CDC73: variants seen among roughly 807,000 people sequenced by gnomAD.
CDC73 encodes parafibromin.
In CDC73, 21 loss-of-function variants were observed where a neutral mutation model predicts 83.7. That is an observed-to-expected ratio of 0.25 (90% CI 0.18 to 0.36). The LOEUF (loss-of-function observed/expected upper bound fraction) is 0.36. Ranked by LOEUF, CDC73 falls within the 10% of genes least tolerant of loss-of-function variation. The pLI, the probability that CDC73 is intolerant of heterozygous loss-of-function variation, is 1.00. For missense variants in CDC73, 342 were observed against 653.3 expected (o/e 0.52, Z 5.19); for synonymous variants, 224 against 212.9 (o/e 1.05, Z -0.45).
At chr1:193,229,385 T>A (rs1350343882) in intron 13 of CDC73, among the ~76,000 whole-genome samples, 1 of 152,196 alleles carries the variant, frequency 6.6e-6, no homozygotes, top group African/African-American at 2.4e-5. Context: ...CCCAGGGTAT[T>A]TGTGAAGTAA....
At chr1:193,222,596 G>A (rs918199610) in intron 13 of CDC73, among the ~76,000 whole-genome samples, 11 of 152,224 alleles carry the variant, frequency 7.2e-5, no homozygotes, top group Middle Eastern at 3.4e-3. Flanking sequence ...AATCTGTTCC[G>A]TGTGGTTATT....
chr1:193,184,290 A>G (rs1676768701), intron 10 of CDC73, among the ~76,000 whole-genome samples: 1 of 151,930 alleles, frequency 6.6e-6, no homozygotes. Context: ...TTTTGTTAAA[A>G]AGAATATAAA....
intron 10 of CDC73, chr1:193,181,345 T>C (rs765075342): frequency 6.2e-7 from 1 of 1,614,108 alleles, no homozygotes; most frequent in South Asian, 1.1e-5. Flanking sequence ...GTGGTTTGTC[T>C]CACTTTTTGT....
intron 8 of CDC73, among the ~76,000 whole-genome samples, chr1:193,150,000 G>A (rs1411177676): frequency 6.6e-6 from 1 of 152,106 alleles, no homozygotes. Flanking sequence ...ACTTTAGCCA[G>A]GTATGGTGGC....
intron 10 of CDC73, among the ~76,000 whole-genome samples, chr1:193,201,191 A>G (rs745535062): frequency 4.0e-5 from 6 of 151,818 alleles, no homozygotes; most frequent in Admixed American, 3.3e-4. Flanking sequence ...ATTAGGTAAC[A>G]TTTTTTTTCT....
chr1:193,145,239 G>A (rs1213315603), intron 7 of CDC73, among the ~76,000 whole-genome samples: 1 of 152,210 alleles, frequency 6.6e-6, no homozygotes, highest in Non-Finnish European at 1.5e-5. Context: ...GTTTATGGAT[G>A]TGGTTTCCAT....
chr1:193,242,682 A>G (rs955977353), intron 15 of CDC73, among the ~76,000 whole-genome samples: 1 of 152,184 alleles, frequency 6.6e-6, no homozygotes, highest in African/African-American at 2.4e-5. Flanking sequence ...AATTATTGCT[A>G]GCTACCATTG....
chr1:193,204,670 A>G (rs919366113), intron 11 of CDC73, among the ~76,000 whole-genome samples: 3 of 152,332 alleles, frequency 2.0e-5, no homozygotes, highest in South Asian at 4.1e-4. Context: ...CTGTTTTTCA[A>G]TAATGGATTT....
chr1:193,142,174 A>C (rs907170571), intron 7 of CDC73, 108 bp downstream of exon 7: 1 of 874,632 alleles, frequency 1.1e-6, no homozygotes, highest in African/African-American at 1.7e-5. Context: ...TGGAAGTTTC[A>C]AGTTTTATCT....
At chr1:193,198,084 A>G (rs914468901) in intron 10 of CDC73, among the ~76,000 whole-genome samples, 2 of 152,180 alleles carry the variant, frequency 1.3e-5, no homozygotes, top group African/African-American at 4.8e-5. Context: ...TAAGGCAAAT[A>G]TATTTGTTTT....
chr1:193,196,324 A>G (rs75721920), intron 10 of CDC73, among the ~76,000 whole-genome samples: 1,619 of 152,222 alleles, frequency 0.011, 31 homozygotes, highest in African/African-American at 0.036. Context: ...ATTTCTGGGT[A>G]TTCTAGTCCA....
chr1:193,138,030 T>G (rs1410890792), intron 5 of CDC73, 55 bp from the exon 6 acceptor site: 2 of 1,321,140 alleles, frequency 1.5e-6, no homozygotes, highest in Admixed American at 1.7e-5. Flanking sequence ...TAGCGTTTTT[T>G]CTTCCTAAAA....
intron 2 of CDC73, among the ~76,000 whole-genome samples, chr1:193,126,073 C>A (rs1274387976): frequency 6.6e-6 from 1 of 152,044 alleles, no homozygotes; most frequent in Non-Finnish European, 1.5e-5. Flanking sequence ...CCAGCCTGGG[C>A]AACATAGTGA....
At chr1:193,231,372 G>T (rs536634632) in intron 13 of CDC73, among the ~76,000 whole-genome samples, 2 of 152,250 alleles carry the variant, frequency 1.3e-5, no homozygotes, top group South Asian at 4.1e-4. Context: ...TGGAACATAA[G>T]TTCAAGAGGG....
At chr1:193,250,230 G>A (rs1323585820) in intron 16 of CDC73, among the ~76,000 whole-genome samples, 1 of 151,706 alleles carries the variant, frequency 6.6e-6, no homozygotes, top group African/African-American at 2.4e-5. Flanking sequence ...TATGATTCTG[G>A]ATTTATTTGT....
rs1045031050 is a variant in CDC73, at chr1:193,227,990, T to C, written c.1155-5003T>C. ...TTAGCTGATGCTTCTAAGCTGAGAG[T>C]GGAGTTGTAGTGGAACAGGATACAT... is the stretch of plus-strand genomic sequence containing the variant. On this transcript the variant is annotated intron_variant, in intron 13 of 16. Coordinates refer to ENST00000367435, the MANE Select transcript of CDC73 (RefSeq NM_024529.5). Among the ~76,000 whole-genome samples, 33 of 152,058 alleles carry C rather than the reference T, an allele frequency of 2.2e-4. 1 individual carries two copies. Among genetic ancestry groups the C allele is most frequent in the Non-Finnish European group, 7.4e-5 (5 of 68,012 alleles).
In CDC73 at chr1:193,135,434, T is replaced by A; in HGVS notation, c.351T>A (p.Gly117=). 1 of 1,613,606 alleles carries A rather than the reference T, an allele frequency of 6.2e-7. No homozygotes were observed. The highest frequency in any genetic ancestry group is 8.5e-7 in the Non-Finnish European group (1 of 1,179,636). ...SIDRSAPLEI[G]LQRSTQVKRA... The stretch of plus-strand genomic sequence containing the variant: ...ACAGAAGCGCTCCCTTAGAAATAGG[T>A]CTTCAGCGATCTACTCAAGGTATGT... The change falls in exon 4 of 17, where the codon GGT becomes GGA. Residue 117 remains glycine (G), a synonymous_variant. Transcript: ENST00000367435.
At chr1:193,170,894 G>A (rs1676507944) in intron 10 of CDC73, among the ~76,000 whole-genome samples, 1 of 152,156 alleles carries the variant, frequency 6.6e-6, no homozygotes, top group Admixed American at 6.5e-5. Context: ...ACATCTGTGA[G>A]CAAAGGGGGC....
chr1:193,206,540 G>A (rs1015374072), intron 11 of CDC73, among the ~76,000 whole-genome samples: 1 of 152,138 alleles, frequency 6.6e-6, no homozygotes, highest in African/African-American at 2.4e-5. Flanking sequence ...TCTGCTTATG[G>A]GGTGTAGCCC....
Sources: gnomAD v4.1 joint callset for allele counts (sites outside exome capture counted in the v4.1 genomes callset) on GRCh38, gnomAD v4.1.1 for gene constraint, MANE v1.5 for transcripts, NCBI Gene and HGNC (gene_info 2026-07-23, HGNC 2026-07-21) for gene names.